The following SHROOM4 variants were observed in gnomAD, a reference collection of about 807,000 sequenced individuals.
SHROOM4 encodes the protein shroom family member 4.
SHROOM4 carries 17 observed loss-of-function variants against 80.3 expected under a neutral mutation model. The ratio of observed to expected loss-of-function variants is 0.21; its 90% CI spans 0.14 to 0.32. SHROOM4 has a LOEUF of 0.32. Ranked by LOEUF, SHROOM4 falls within the 10% of genes least tolerant of loss-of-function variation. SHROOM4 has a pLI of 1.00. For synonymous variants in SHROOM4, 400 were observed against 437.5 expected (o/e 0.91, Z 1.07); for missense variants, 993 against 1,140.3 (o/e 0.87, Z 1.86).
At chrX:50,672,545 CA>C (rs1932808536) in intron 2 of SHROOM4, among the ~76,000 whole-genome samples, 1 of 111,205 alleles carries the variant, frequency 9.0e-6, no homozygotes, top group African/African-American at 3.3e-5. Context: ...TCTTTGGGAC[CA>C]TGCCAAAAGA....
intron 1 of SHROOM4, among the ~76,000 whole-genome samples, chrX:50,761,217 T>A (rs1007885370): frequency 9.0e-6 from 1 of 111,110 alleles, no homozygotes; most frequent in Non-Finnish European, 1.9e-5. Flanking sequence ...CAGACCCCAG[T>A]ATCTGTTGTT....
At chrX:50,711,181 G>A (rs1280370106) in intron 1 of SHROOM4, among the ~76,000 whole-genome samples, 2 of 112,183 alleles carry the variant, frequency 1.8e-5, no homozygotes, top group Admixed American at 9.5e-5. Context: ...AACATTTGCT[G>A]AAAAGGAAAA....
chrX:50,723,681 G>A (rs1367662976), intron 1 of SHROOM4, among the ~76,000 whole-genome samples: 15 of 111,113 alleles, frequency 1.3e-4, no homozygotes, highest in African/African-American at 3.9e-4. Flanking sequence ...TGAGCCCATG[G>A]TAACTCTTAC....
chrX:50,617,370 T>C (rs1240358515), intron 5 of SHROOM4, among the ~76,000 whole-genome samples: 1 of 111,606 alleles, frequency 9.0e-6, no homozygotes, highest in Non-Finnish European at 1.9e-5. Context: ...CCCTGATTAA[T>C]GTTCAACCCT....
At chrX:50,613,807 A>G (rs1557250296) in intron 5 of SHROOM4, among the ~76,000 whole-genome samples, 1 of 112,300 alleles carries the variant, frequency 8.9e-6, no homozygotes, top group Admixed American at 9.5e-5. Context: ...TGTAAATTTC[A>G]TATGGGAAAA....
chrX:50,730,118 C>T (rs1389440857), intron 1 of SHROOM4, among the ~76,000 whole-genome samples: 1 of 112,036 alleles, frequency 8.9e-6, no homozygotes, highest in Non-Finnish European at 1.9e-5. Context: ...TACCTTTTAT[C>T]TCTTAACTGA....
intron 2 of SHROOM4, among the ~76,000 whole-genome samples, chrX:50,648,042 A>G (rs1931904145): frequency 8.9e-6 from 1 of 111,885 alleles, no homozygotes; most frequent in South Asian, 3.7e-4. Flanking sequence ...TAAGCAGGGG[A>G]CTAACATGAT....
At chrX:50,644,177 C>G (rs1034125028) in intron 2 of SHROOM4, among the ~76,000 whole-genome samples, 5 of 111,949 alleles carry the variant, frequency 4.5e-5, no homozygotes, top group African/African-American at 1.6e-4. Flanking sequence ...TTGAGCAGAT[C>G]CAAAGAAAAC....
At chrX:50,638,563 T>C (rs960825494) in intron 2 of SHROOM4, among the ~76,000 whole-genome samples, 3 of 112,199 alleles carry the variant, frequency 2.7e-5, no homozygotes, top group Non-Finnish European at 5.6e-5. Flanking sequence ...GCTGGACACA[T>C]AGTAGATGTT....
chrX:50,725,854 G>A (rs1207429190), intron 1 of SHROOM4, among the ~76,000 whole-genome samples: 2 of 112,201 alleles, frequency 1.8e-5, no homozygotes, highest in Non-Finnish European at 3.8e-5. Flanking sequence ...AAGATAACCT[G>A]AAAATGTGGA....
intron 1 of SHROOM4, among the ~76,000 whole-genome samples, chrX:50,708,506 C>T (rs1557264146): frequency 8.9e-6 from 1 of 112,298 alleles, no homozygotes; most frequent in African/African-American, 3.2e-5. Context: ...TTGCCACTAA[C>T]TCATTTCAGC....
chrX:50,752,534 T>TA (rs34715040), intron 1 of SHROOM4, among the ~76,000 whole-genome samples: 1 of 111,671 alleles, frequency 9.0e-6, no homozygotes, highest in Non-Finnish European at 1.9e-5. Flanking sequence ...CCTAAAAGGT[T>TA]AAAAAAAGAA....
intron 1 of SHROOM4, among the ~76,000 whole-genome samples, chrX:50,774,899 G>GA (rs1935473326): frequency 2.7e-5 from 3 of 111,338 alleles, no homozygotes; most frequent in South Asian, 7.5e-4. Flanking sequence ...ACTATAAAAG[G>GA]AAAAAAACTT....
At position 50,633,224 on chromosome X, in the gene SHROOM4, C is replaced by G. The variant is rs5915289; in HGVS notation, c.2849G>C (p.Ser950Thr). 8.3e-7 allele frequency: 1 copy of G among 1,211,493 alleles called. No homozygotes were observed. The change falls in exon 4 of 9, where the codon AGC becomes ACC. Residue 950 changes from serine (S) to threonine (T), a missense_variant. By Grantham distance (58) the Ser-to-Thr change is moderately conservative (BLOSUM62 1). Coordinates refer to ENST00000376020, the MANE Select transcript of SHROOM4 (RefSeq NM_020717.5). ...NPQHSALEDS[S>T]LAPGNTWKPR... Reference sequence around the variant, plus strand: ...TTTCCAAGTGTTGCCAGGTGCCAAGCTGCTGTCCTCGAGGGCACTGTGCTG... The same window carrying G: ...TTTCCAAGTGTTGCCAGGTGCCAAGGTGCTGTCCTCGAGGGCACTGTGCTG...
intron 1 of SHROOM4, among the ~76,000 whole-genome samples, chrX:50,775,515 T>G (rs932714755): frequency 3.6e-5 from 4 of 111,050 alleles, no homozygotes; most frequent in Non-Finnish European, 7.5e-5. Flanking sequence ...AATTACAGGC[T>G]GGAAAGAATG....
chrX:50,788,607 CA>C (rs782285203), intron 1 of SHROOM4, among the ~76,000 whole-genome samples: 2,422 of 46,570 alleles, frequency 0.052, 66 homozygotes, highest in African/African-American at 0.13. Flanking sequence ...GACTCCGTCT[CA>C]AAAAAAAAAA....
chrX:50,640,720 C>T (rs1256283981), intron 2 of SHROOM4, among the ~76,000 whole-genome samples: 3 of 112,098 alleles, frequency 2.7e-5, no homozygotes, highest in Non-Finnish European at 5.6e-5. Flanking sequence ...CCCATCAGCT[C>T]AATCTCTCAT....
chrX:50,758,990 A>T (rs1302807313), intron 1 of SHROOM4, among the ~76,000 whole-genome samples: 1 of 111,616 alleles, frequency 9.0e-6, no homozygotes, highest in Non-Finnish European at 1.9e-5. Context: ...ATTTTTCTGT[A>T]AGTTCTGAAG....
At chrX:50,795,722 G>A (rs1557272060) in intron 1 of SHROOM4, among the ~76,000 whole-genome samples, 1 of 111,950 alleles carries the variant, frequency 8.9e-6, no homozygotes, top group African/African-American at 3.2e-5. Flanking sequence ...ATGGGTATGT[G>A]CTCTGGAGAT....
Sources: gnomAD v4.1 joint callset for allele counts (sites outside exome capture counted in the v4.1 genomes callset) on GRCh38, gnomAD v4.1.1 for gene constraint, MANE v1.5 for transcripts, NCBI Gene and HGNC (gene_info 2026-07-23, HGNC 2026-07-21) for gene names.